The following PHF20L1 variants were observed in gnomAD, a reference collection of about 807,000 sequenced individuals.
PHF20L1 encodes the protein PHD finger protein 20 like 1.
Under a neutral mutation model 125.5 loss-of-function variants are expected in PHF20L1, and 44 were observed. The ratio of observed to expected loss-of-function variants is 0.35; its 90% CI spans 0.28 to 0.45. The LOEUF (loss-of-function observed/expected upper bound fraction) is 0.45. Among genes scored for constraint, PHF20L1 ranks in the 20% least tolerant of loss-of-function variants. The pLI is 1.00. For missense variants in PHF20L1, 1,012 were observed against 1,217.2 expected, an observed-to-expected ratio of 0.83 and a Z score of 2.51; for synonymous variants, 380 against 403.1, an observed-to-expected ratio of 0.94 and a Z score of 0.69.
At chr8:132,802,686 GAGAA>G (rs1833217364) in intron 6 of PHF20L1, among the ~76,000 whole-genome samples, 1 of 151,798 alleles carries the variant, frequency 6.6e-6, no homozygotes. Context: ...GCAATTATGA[GAGAA>G]AGAGTTAGAA....
chr8:132,817,591 G>T (rs757445625), intron 12 of PHF20L1, 46 bp downstream of exon 12: 2 of 1,340,654 alleles, frequency 1.5e-6, no homozygotes, highest in East Asian at 4.9e-5. Context: ...TAAGTAGCTA[G>T]GCTTGCAGTT....
intron 2 of PHF20L1, among the ~76,000 whole-genome samples, chr8:132,785,758 T>G (rs938606213): frequency 3.9e-5 from 6 of 152,040 alleles, no homozygotes; most frequent in African/African-American, 1.4e-4. Context: ...GAAGGAAGAG[T>G]ATAGATATTT....
chr8:132,830,102 G>C (rs1392736548), intron 14 of PHF20L1, among the ~76,000 whole-genome samples: 1 of 151,996 alleles, frequency 6.6e-6, no homozygotes, highest in Admixed American at 6.6e-5. Context: ...TATCAACAGG[G>C]CTCCATTTTT....
chr8:132,843,508 C>T (rs1193152492), intron 19 of PHF20L1: 7 of 983,706 alleles, frequency 7.1e-6, no homozygotes, highest in South Asian at 4.7e-5. Flanking sequence ...TGAATTGGAA[C>T]GTTTGTATTT....
chr8:132,802,962 A>G (rs1438371611), intron 6 of PHF20L1, among the ~76,000 whole-genome samples: 1 of 151,818 alleles, frequency 6.6e-6, no homozygotes. Flanking sequence ...AGATATTTAT[A>G]TTTGTTTTAA....
chr8:132,817,781 T>G (rs1198338210), intron 12 of PHF20L1: 2 of 406,844 alleles, frequency 4.9e-6, no homozygotes, highest in African/African-American at 4.1e-5. Flanking sequence ...CTTGATCTAT[T>G]TCCTTCTCCC....
intron 6 of PHF20L1, among the ~76,000 whole-genome samples, chr8:132,802,371 G>A (rs369047477): frequency 6.6e-6 from 1 of 151,330 alleles, no homozygotes; most frequent in East Asian, 1.9e-4. Context: ...GCAAATTCCT[G>A]CTTATGTTTA....
chr8:132,816,984 C>T lies in PHF20L1; in HGVS notation c.1280C>T (p.Ser427Phe), dbSNP rs1835057346. The T allele has an allele frequency of 1.9e-6, 3 of 1,610,600 alleles. No homozygotes were observed. The highest frequency in any genetic ancestry group is 2.5e-6 in the Non-Finnish European group (3 of 1,177,866). ...RLATLPMPDDSVEKVSSPSPA... is the reference protein window; with the variant it reads ...RLATLPMPDDFVEKVSSPSPA... Reference sequence around the variant, plus strand: ...GCCACCTTACCCATGCCTGATGATTCTGTAGAAAAGGTTTCTTCTCCCTCT... The same window carrying T: ...GCCACCTTACCCATGCCTGATGATTTTGTAGAAAAGGTTTCTTCTCCCTCT... Residue 427 changes from serine to phenylalanine, a missense_variant, in exon 11 of 21, where the codon TCT becomes TTT. Around this residue, in one of 7 missense-constraint regions of PHF20L1, gnomAD observed 119 missense variants for 160.2 expected, o/e 0.74. Transcript: ENST00000395386.
At chr8:132,811,256 A>T (rs1168494183) in intron 9 of PHF20L1, 128 bp downstream of exon 9, 1 of 1,462,120 alleles carries the variant, frequency 6.8e-7, no homozygotes, top group East Asian at 2.6e-5. Context: ...AATTGATGAT[A>T]TATTTTTAAC....
intron 2 of PHF20L1, among the ~76,000 whole-genome samples, chr8:132,787,595 G>T (rs1364160214): frequency 6.6e-6 from 1 of 152,060 alleles, no homozygotes; most frequent in African/African-American, 2.4e-5. Context: ...ATTGCATTGT[G>T]GAATATTGAG....
chr8:132,813,223 T>C (rs1834580336), intron 9 of PHF20L1: 1 of 491,366 alleles, frequency 2.0e-6, no homozygotes, highest in Non-Finnish European at 2.6e-6. Flanking sequence ...TGGCAACACC[T>C]TTTATAATAA....
intron 17 of PHF20L1, 101 bp from the exon 18 acceptor site, chr8:132,839,286 A>G: frequency 5.9e-6 from 5 of 851,196 alleles, no homozygotes; most frequent in Admixed American, 1.9e-5. Flanking sequence ...TCCTAGTGCT[A>G]GAGCTTGCCT....
intron 14 of PHF20L1, among the ~76,000 whole-genome samples, chr8:132,831,476 T>G (rs1280839249): frequency 3.3e-5 from 5 of 152,074 alleles, no homozygotes; most frequent in Non-Finnish European, 5.9e-5. Flanking sequence ...AACAGAATTT[T>G]TACAGAGTTC....
chr8:132,820,698 T>C (rs1835483874), intron 12 of PHF20L1, among the ~76,000 whole-genome samples: 1 of 152,010 alleles, frequency 6.6e-6, no homozygotes, highest in Non-Finnish European at 1.5e-5. Context: ...CTTTTGGCTC[T>C]ACAATGTTGA....
intron 12 of PHF20L1, among the ~76,000 whole-genome samples, chr8:132,820,593 C>T (rs1407118683): frequency 6.6e-6 from 1 of 151,944 alleles, no homozygotes; most frequent in Non-Finnish European, 1.5e-5. Context: ...CTTAAAAACT[C>T]TGGAGAGACA....
At chr8:132,808,468 G>A (rs1451153767) in intron 8 of PHF20L1, 1 of 151,968 alleles carries the variant, frequency 6.6e-6, no homozygotes, top group Non-Finnish European at 1.5e-5. Flanking sequence ...CCACCTGTGT[G>A]AAAGGAAACA....
At chr8:132,831,223 A>T (rs1269377059) in intron 14 of PHF20L1, among the ~76,000 whole-genome samples, 3 of 152,142 alleles carry the variant, frequency 2.0e-5, no homozygotes, top group Admixed American at 1.3e-4. Context: ...AAAACTTTTT[A>T]AAAAAAGCTA....
rs958940339 is a variant in PHF20L1 at position 132,823,852 on chromosome 8, C to T, written c.1580-152C>T. The T allele has an allele frequency of 1.6e-5, 8 of 507,214 alleles. No individual in the cohort carries two copies. The African/African-American group carries it at 1.6e-4, about 10-fold the overall frequency. 31.4% of individuals were successfully genotyped at this position (507,214 alleles called of 1,614,324 possible). A position where few individuals can be genotyped will look rare whatever the true frequency, so the allele number is the denominator to read the frequency against. On this transcript the variant is annotated intron_variant, in intron 12 of 20. Coordinates refer to ENST00000395386, the MANE Select transcript of PHF20L1 (RefSeq NM_016018.5). ...TGTTTTTTAAGGTAAGAAATCTCAC[C>T]GCTTTGTTACCAGTTCAGGCAGTAA...
intron 13 of PHF20L1, 85 bp downstream of exon 13, chr8:132,824,145 G>A: frequency 1.3e-6 from 1 of 790,460 alleles, no homozygotes; most frequent in Non-Finnish European, 2.1e-6. Flanking sequence ...CTCTTTACCA[G>A]TTAATGCTAC....
Sources: gnomAD v4.1 joint callset for allele counts (sites outside exome capture counted in the v4.1 genomes callset) on GRCh38, gnomAD v4.1.1 for gene constraint, gnomAD v4.1.1 regional missense constraint, MANE v1.5 for transcripts, NCBI Gene and HGNC (gene_info 2026-07-23, HGNC 2026-07-21) for gene names.